NAALADL2: variants seen among roughly 807,000 people sequenced by gnomAD.
The protein encoded by NAALADL2 is N-acetylated alpha-linked acidic dipeptidase like 2, also known as inactive N-acetylated-alpha-linked acidic dipeptidase-like protein 2.
In NAALADL2, 76 loss-of-function variants were observed where a neutral mutation model predicts 87.2. The observed-to-expected ratio is 0.87, with a 90% confidence interval of 0.72 to 1.05. The LOEUF (loss-of-function observed/expected upper bound fraction) is 1.05, where lower values mean the gene tolerates loss of function less well. Ranked by LOEUF, NAALADL2 falls within the 50% of genes least tolerant of loss-of-function variation. The pLI, the probability that NAALADL2 is intolerant of heterozygous loss-of-function variation, is 0.00. For synonymous variants in NAALADL2, 354 were observed against 331.0 expected, an observed-to-expected ratio of 1.07 and a Z score of -0.75; for missense variants, 1,089 against 945.8, an observed-to-expected ratio of 1.15 and a Z score of -1.99.
chr3:175,150,416 T>G (rs962459254), intron 2 of NAALADL2, among the ~76,000 whole-genome samples: 1 of 152,182 alleles, frequency 6.6e-6, no homozygotes, highest in Non-Finnish European at 1.5e-5. Flanking sequence ...TTTTCCATTT[T>G]TTTCTGTCTC....
chr3:175,119,223 A>T (rs374247081), intron 2 of NAALADL2, among the ~76,000 whole-genome samples: 2 of 151,810 alleles, frequency 1.3e-5, no homozygotes, highest in South Asian at 4.1e-4. Context: ...TATTCAGTGA[A>T]ATGATAAAGT....
chr3:174,456,010 A>G (rs2108282168), intron 1 of NAALADL2, among the ~76,000 whole-genome samples: 1 of 152,292 alleles, frequency 6.6e-6, no homozygotes, highest in East Asian at 1.9e-4. Context: ...ACTTAAGTGA[A>G]GTCTCAAGAT....
At chr3:175,696,148 C>A in intron 11 of NAALADL2, among the ~76,000 whole-genome samples, 1 of 151,850 alleles carries the variant, frequency 6.6e-6, no homozygotes, top group East Asian at 1.9e-4. Context: ...GACTTGTGTT[C>A]ACAAAAAAAA....
chr3:175,299,500 G>A (rs1320716717), intron 4 of NAALADL2, among the ~76,000 whole-genome samples: 3 of 151,752 alleles, frequency 2.0e-5, no homozygotes, highest in Non-Finnish European at 4.4e-5. Context: ...TCCTTGAAGA[G>A]GTCCTTCACA....
At chr3:174,589,875 A>T (rs992545067) in intron 2 of NAALADL2, among the ~76,000 whole-genome samples, 3 of 151,256 alleles carry the variant, frequency 2.0e-5, no homozygotes, top group African/African-American at 7.3e-5. Flanking sequence ...TTTTTGAAAA[A>T]AGTCATATAT....
At chr3:175,159,572 T>A (rs1295051965) in intron 2 of NAALADL2, among the ~76,000 whole-genome samples, 1 of 152,216 alleles carries the variant, frequency 6.6e-6, no homozygotes, top group Non-Finnish European at 1.5e-5. Flanking sequence ...GTGTCCAATT[T>A]ATGCAGTGCA....
chr3:175,565,211 T>G (rs2149525141), intron 9 of NAALADL2, among the ~76,000 whole-genome samples: 1 of 152,272 alleles, frequency 6.6e-6, no homozygotes, highest in African/African-American at 2.4e-5. Flanking sequence ...TCACTATTCT[T>G]ATGTCTATAG....
At chr3:174,536,436 C>A (rs2080760178) in intron 1 of NAALADL2, among the ~76,000 whole-genome samples, 1 of 152,150 alleles carries the variant, frequency 6.6e-6, no homozygotes, top group South Asian at 2.1e-4. Flanking sequence ...ATTAAAGCAA[C>A]TGTCAAGATT....
In NAALADL2 at chr3:175,042,361, G is replaced by T. The variant is rs536431538; in HGVS notation, c.44-54429G>T. On this transcript the variant is annotated intron_variant, in intron 1 of 13. Transcript: ENST00000454872. ...CAGTTGCTCATCAATGAACATTTAG[G>T]TTGTTTCCATATTTTGACTATTGTG... is the stretch of plus-strand genomic sequence containing the variant. 1.1e-4 allele frequency among the ~76,000 whole-genome samples: 17 copies of T among 152,152 alleles called. No homozygotes were observed. The East Asian group carries it at 1.5e-3, about 14-fold the overall frequency.
At chr3:174,599,658 C>T (rs1169551183) in intron 2 of NAALADL2, among the ~76,000 whole-genome samples, 3 of 152,008 alleles carry the variant, frequency 2.0e-5, no homozygotes, top group African/African-American at 7.2e-5. Context: ...CTTTTTTTCT[C>T]TTTTAAATAG....
At chr3:175,780,355 TGCACACAAAC>T (rs1468225578) in intron 13 of NAALADL2, among the ~76,000 whole-genome samples, 1 of 151,784 alleles carries the variant, frequency 6.6e-6, no homozygotes, top group Non-Finnish European at 1.5e-5. Flanking sequence ...TACACACACA[TGCACACAAAC>T]ACACACAAAC....
chr3:174,828,750 C>G (rs1722282973), intron 3 of NAALADL2, among the ~76,000 whole-genome samples: 1 of 152,086 alleles, frequency 6.6e-6, no homozygotes, highest in African/African-American at 2.4e-5. Flanking sequence ...ATAAACCTAC[C>G]CTTTCTTGTG....
intron 3 of NAALADL2, among the ~76,000 whole-genome samples, chr3:174,793,446 G>A (rs1329982106): frequency 6.6e-6 from 1 of 151,932 alleles, no homozygotes; most frequent in Non-Finnish European, 1.5e-5. Context: ...TATTTACTTG[G>A]CAATACTATG....
At chr3:175,802,941 C>A in intron 13 of NAALADL2, 64 bp from the exon 14 acceptor site, 1 of 1,034,918 alleles carries the variant, frequency 9.7e-7, no homozygotes, top group Non-Finnish European at 1.5e-6. Context: ...AATATTCATT[C>A]CAACGTTTGA....
At chr3:174,478,635 G>A (rs1005877128) in intron 1 of NAALADL2, among the ~76,000 whole-genome samples, 2 of 151,952 alleles carry the variant, frequency 1.3e-5, no homozygotes, top group Admixed American at 6.6e-5. Flanking sequence ...AATTAACAAT[G>A]AATATATTTT....
chr3:175,069,794 A>C (rs1272027844), intron 1 of NAALADL2, among the ~76,000 whole-genome samples: 1 of 151,248 alleles, frequency 6.6e-6, no homozygotes, highest in Non-Finnish European at 1.5e-5. Flanking sequence ...TGGATTAAGA[A>C]AATGTGGCAC....
intron 13 of NAALADL2, among the ~76,000 whole-genome samples, chr3:175,772,623 C>T (rs1749654531): frequency 6.6e-6 from 1 of 152,140 alleles, no homozygotes; most frequent in South Asian, 2.1e-4. Flanking sequence ...AGTCCTTCCT[C>T]ATAGGTCTGG....
intron 4 of NAALADL2, among the ~76,000 whole-genome samples, chr3:175,268,663 T>A (rs9848750): frequency 0.011 from 1,618 of 152,244 alleles, 30 homozygotes; most frequent in African/African-American, 0.037. Context: ...TTTGTTTATA[T>A]CCTTGTTCTA....
intron 4 of NAALADL2, among the ~76,000 whole-genome samples, chr3:175,266,988 T>C (rs1752035511): frequency 6.6e-6 from 1 of 151,458 alleles, no homozygotes; most frequent in African/African-American, 2.4e-5. Context: ...ATTGGTTTTA[T>C]AAATTTTAAA....
Sources: gnomAD v4.1 joint callset for allele counts (sites outside exome capture counted in the v4.1 genomes callset) on GRCh38, gnomAD v4.1.1 for gene constraint, MANE v1.5 for transcripts, NCBI Gene and HGNC (gene_info 2026-07-23, HGNC 2026-07-21) for gene names.